The following ABCB5 variants were observed in gnomAD, a reference collection of about 807,000 sequenced individuals.
ABCB5 encodes ATP binding cassette subfamily B member 5.
Under a neutral mutation model 144.2 loss-of-function variants are expected in ABCB5, and 155 were observed. That is an observed-to-expected ratio of 1.08 (90% CI 0.94 to 1.23). ABCB5 has a LOEUF of 1.23. ABCB5 is among the 50% of genes most tolerant of loss of function. The pLI is 0.00. For missense variants in ABCB5, 1,830 were observed against 1,520.8 expected (o/e 1.20, Z -3.38); for synonymous variants, 610 against 528.6 (o/e 1.15, Z -2.11).
chr7:20,638,843 GA>G (rs1305159794), intron 5 of ABCB5, among the ~76,000 whole-genome samples: 1 of 152,160 alleles, frequency 6.6e-6, no homozygotes, highest in Non-Finnish European at 1.5e-5. Flanking sequence ...TTCTTTGTGT[GA>G]ACATACGTTT....
chr7:20,683,071 T>A (rs112876719), intron 15 of ABCB5, among the ~76,000 whole-genome samples: 2 of 149,398 alleles, frequency 1.3e-5, no homozygotes, highest in Admixed American at 6.6e-5. Flanking sequence ...AGCTTTCTGA[T>A]AATATCTTTG....
intron 5 of ABCB5, among the ~76,000 whole-genome samples, chr7:20,641,283 C>T (rs2128022304): frequency 6.6e-6 from 1 of 152,226 alleles, no homozygotes; most frequent in Admixed American, 6.5e-5. Flanking sequence ...TCCTACATTC[C>T]TCATATCCAA....
intron 14 of ABCB5, among the ~76,000 whole-genome samples, chr7:20,672,817 T>C (rs1785491382): frequency 6.6e-6 from 1 of 152,142 alleles, no homozygotes; most frequent in African/African-American, 2.4e-5. Context: ...TTGGCACCTT[T>C]GTAAAAAATC....
At chr7:20,691,042 A>G (rs901193264) in intron 16 of ABCB5, among the ~76,000 whole-genome samples, 1 of 152,166 alleles carries the variant, frequency 6.6e-6, no homozygotes, top group African/African-American at 2.4e-5. Context: ...CATCATGCAA[A>G]GTAGGATAGT....
chr7:20,735,797 A>T (rs1782362655), intron 23 of ABCB5, among the ~76,000 whole-genome samples: 1 of 152,208 alleles, frequency 6.6e-6, no homozygotes, highest in Admixed American at 6.5e-5. Context: ...AAGGCAGCTC[A>T]CGTTCCAACC....
At chr7:20,722,917 T>C (rs1186060440) in intron 20 of ABCB5, 99 bp from the exon 21 acceptor site, 4 of 989,508 alleles carry the variant, frequency 4.0e-6, no homozygotes, top group Non-Finnish European at 6.1e-6. Context: ...TAAATTCTTT[T>C]TTTAAAAAGT....
rs869158355 is a variant in ABCB5 at position 20,681,058 on chromosome 7, CTCTTTCTTTCTTTCTTTCTTTCTTTCTT to C, written c.1708-405_1708-378del. 9.0e-4 allele frequency among the ~76,000 whole-genome samples: 43 copies of C among 47,588 alleles called. 9 individuals are homozygous for C. Among genetic ancestry groups the C allele is most frequent in the African/African-American group, 4.3e-3 (37 of 8,692 alleles). The allele number at this position is 47,588 out of a possible 152,430, so 31.2% of individuals were successfully genotyped here. ...TCTCTTTCTTTCTTTCTCTCTCTCT[CTCTTTCTTTCTTTCTTTCTTTCTTTCTT>C]TCTTTCTTTCTTTCTTTCTTTCTTT... On this transcript the variant is annotated intron_variant, in intron 14 of 27. Coordinates refer to ENST00000404938, the MANE Select transcript of ABCB5 (RefSeq NM_001163941.2).
At chr7:20,658,826 A>G (rs1313860325) in intron 14 of ABCB5, 150 bp downstream of exon 14, 2 of 1,069,086 alleles carry the variant, frequency 1.9e-6, no homozygotes, top group East Asian at 5.1e-5. Flanking sequence ...AACTTACGTG[A>G]TGGCTATAGG....
At chr7:20,640,318 G>A (rs571772150) in intron 5 of ABCB5, among the ~76,000 whole-genome samples, 132 of 152,172 alleles carry the variant, frequency 8.7e-4, no homozygotes, top group South Asian at 3.1e-3. Context: ...CAAACTTTTC[G>A]TCAACCAAAT....
intron 19 of ABCB5, among the ~76,000 whole-genome samples, chr7:20,702,892 G>A (rs574691919): frequency 6.6e-4 from 97 of 145,882 alleles, no homozygotes; most frequent in African/African-American, 2.3e-3. Flanking sequence ...TAGCCAAGAT[G>A]GTCTCGATCT....
intron 23 of ABCB5, among the ~76,000 whole-genome samples, chr7:20,730,952 T>G (rs932312715): frequency 6.6e-6 from 1 of 152,194 alleles, no homozygotes; most frequent in African/African-American, 2.4e-5. Flanking sequence ...ATATTCATAC[T>G]AATGTACGAG....
intron 16 of ABCB5, among the ~76,000 whole-genome samples, chr7:20,690,721 G>A (rs1468411675): frequency 6.6e-6 from 1 of 152,138 alleles, no homozygotes; most frequent in Non-Finnish European, 1.5e-5. Flanking sequence ...AAAAGAGTAG[G>A]ACAGGGGAAT....
At chr7:20,709,109 G>A (rs181111120) in intron 20 of ABCB5, among the ~76,000 whole-genome samples, 7 of 152,216 alleles carry the variant, frequency 4.6e-5, no homozygotes, top group Admixed American at 1.3e-4. Flanking sequence ...TACTCTCAAC[G>A]TCTGTAACTA....
At chr7:20,661,297 T>C (rs777579268) in intron 14 of ABCB5, among the ~76,000 whole-genome samples, 15 of 152,178 alleles carry the variant, frequency 9.9e-5, no homozygotes, top group Admixed American at 2.0e-4. Context: ...CCCTCACACT[T>C]TTCATTAGCT....
chr7:20,722,878 A>G, intron 20 of ABCB5, 138 bp from the exon 21 acceptor site: 1 of 622,512 alleles, frequency 1.6e-6, no homozygotes, highest in Non-Finnish European at 2.7e-6. Context: ...TTAATCTCAA[A>G]GTATAAATTC....
intron 21 of ABCB5, 66 bp downstream of exon 21, chr7:20,723,285 T>C (rs995894127): frequency 2.7e-6 from 4 of 1,477,536 alleles, no homozygotes; most frequent in African/African-American, 1.4e-5. Flanking sequence ...CTTTATGATA[T>C]GTTAACTATA....
Position 20,742,973 on chromosome 7 carries a change from G to C in ABCB5, c.3121G>C (p.Glu1041Gln), listed in dbSNP as rs750902829. ...CCTCCGTGGCTTATCCCTCAGTATT[G>C]AGCGAGGAAAGACAGTAGCATTTGT... ...FILRGLSLSIERGKTVAFVGS... is the reference protein window; with the variant it reads ...FILRGLSLSIQRGKTVAFVGS... The change falls in exon 25 of 28, where the codon GAG becomes CAG. Residue 1041 changes from glutamate to glutamine, a missense_variant. By Grantham distance (29) the Glu-to-Gln change is conservative. Transcript: ENST00000404938. The C allele has an allele frequency of 4.3e-6, 7 of 1,614,106 alleles. No individual in the cohort carries two copies. In the Admixed American group the frequency reaches 1.2e-4, roughly 27 times the overall value.
At chr7:20,721,158 A>G (rs1371732041) in intron 20 of ABCB5, among the ~76,000 whole-genome samples, 1 of 152,170 alleles carries the variant, frequency 6.6e-6, no homozygotes, top group Non-Finnish European at 1.5e-5. Flanking sequence ...TTTGGATAAG[A>G]GAGAGAATGT....
At chr7:20,707,971 T>C (rs144537402) in intron 20 of ABCB5, among the ~76,000 whole-genome samples, 5,308 of 151,700 alleles carry the variant, frequency 0.035, 124 homozygotes, top group Middle Eastern at 0.085. Context: ...GCCCAGCTAA[T>C]TTTTTTTGTA....
Sources: allele counts gnomAD v4.1 joint callset (sites outside exome capture counted in the v4.1 genomes callset), GRCh38; gene constraint gnomAD v4.1.1; transcripts MANE v1.5; gene names NCBI Gene and HGNC (gene_info 2026-07-23, HGNC 2026-07-21).